Variants in MAF observed in about 807,000 individuals in gnomAD.
MAF encodes MAF bZIP transcription factor.
In MAF, 10 loss-of-function variants were observed where a neutral mutation model predicts 22.0. That is an observed-to-expected ratio of 0.45 (90% confidence interval 0.28 to 0.77). The LOEUF (loss-of-function observed/expected upper bound fraction) is 0.77. MAF is among the 30% of genes least tolerant of loss of function. MAF has a pLI of 0.12. For missense variants in MAF, 544 were observed against 548.4 expected, an observed-to-expected ratio of 0.99 and a Z score of 0.08; for synonymous variants, 337 against 255.8, an observed-to-expected ratio of 1.32 and a Z score of -3.03.
the MAF span, among the ~76,000 whole-genome samples, chr16:79,507,382 C>A: frequency 6.6e-6 from 1 of 151,838 alleles, no homozygotes; most frequent in Non-Finnish European, 1.5e-5. Flanking sequence ...TCCCAAAGTG[C>A]TGGGATTACA....
At chr16:79,496,202 A>G in the MAF span, among the ~76,000 whole-genome samples, 1 of 152,208 alleles carries the variant, frequency 6.6e-6, no homozygotes, top group Admixed American at 6.5e-5. Context: ...GTCATGTCAG[A>G]TGGAAATAAG....
At chr16:79,447,554 G>A in the MAF span, among the ~76,000 whole-genome samples, 2 of 152,152 alleles carry the variant, frequency 1.3e-5, no homozygotes, top group Admixed American at 1.3e-4. Flanking sequence ...GCTATAAGTA[G>A]TGACCCCTCT....
the MAF span, among the ~76,000 whole-genome samples, chr16:79,458,808 C>T: frequency 6.6e-6 from 1 of 152,290 alleles, no homozygotes; most frequent in Admixed American, 6.5e-5. Context: ...AGATGTCACC[C>T]TTTCCTTTCT....
the MAF span, among the ~76,000 whole-genome samples, chr16:79,416,247 C>A: frequency 2.6e-5 from 4 of 152,088 alleles, no homozygotes; most frequent in African/African-American, 9.7e-5. Context: ...CTGTTGTGGT[C>A]TGATGGAGTT....
At chr16:79,427,292 G>GTA in the MAF span, among the ~76,000 whole-genome samples, 1 of 152,182 alleles carries the variant, frequency 6.6e-6, no homozygotes, top group Non-Finnish European at 1.5e-5. Flanking sequence ...TCGCTTAGGG[G>GTA]TATCTCCTCT....
At chr16:79,227,126 C>A in the MAF span, among the ~76,000 whole-genome samples, 1 of 152,036 alleles carries the variant, frequency 6.6e-6, no homozygotes, top group Non-Finnish European at 1.5e-5. Flanking sequence ...TCCTTTCAGT[C>A]CAGGAGTTTG....
the MAF span, among the ~76,000 whole-genome samples, chr16:79,366,767 T>C: frequency 6.6e-6 from 1 of 152,250 alleles, no homozygotes; most frequent in Non-Finnish European, 1.5e-5. Flanking sequence ...AGACCTCTGC[T>C]GATCCATGAT....
exon 2 of MAF, chr16:79,585,924 G>C (rs754185170): frequency 5.8e-6 from 4 of 686,306 alleles, no homozygotes; most frequent in South Asian, 3.1e-5. Flanking sequence ...CACTGATGTA[G>C]AGGATTCCCT....
the MAF span, among the ~76,000 whole-genome samples, chr16:79,493,118 C>T: frequency 7.7e-6 from 1 of 130,650 alleles, no homozygotes; most frequent in East Asian, 2.3e-4. Context: ...CTACCATGCT[C>T]AGCTAATCTT....
intron 1 of MAF, chr16:79,598,001 T>C: frequency 9.7e-7 from 1 of 1,032,676 alleles, no homozygotes; most frequent in Non-Finnish European, 1.2e-6. Flanking sequence ...CAGGCTTGAT[T>C]GTGGAAGGTT....
chr16:79,567,474 T>C, the MAF span, among the ~76,000 whole-genome samples: 6 of 152,364 alleles, frequency 3.9e-5, no homozygotes, highest in East Asian at 5.8e-4. Flanking sequence ...GCAAGGGATT[T>C]TTTTGTTTTA....
chr16:79,391,447 C>T, the MAF span, among the ~76,000 whole-genome samples: 61 of 152,194 alleles, frequency 4.0e-4, no homozygotes, highest in African/African-American at 1.4e-3. Flanking sequence ...TGCCTGCTTG[C>T]CATTTCTATT....
chr16:79,251,586 G>A, the MAF span, among the ~76,000 whole-genome samples: 2 of 146,578 alleles, frequency 1.4e-5, no homozygotes, highest in South Asian at 4.4e-4. Flanking sequence ...CAAAGTGCTG[G>A]CATGAGCCAC....
the MAF span, among the ~76,000 whole-genome samples, chr16:79,208,110 C>G: frequency 6.6e-6 from 1 of 152,200 alleles, no homozygotes; most frequent in Non-Finnish European, 1.5e-5. Flanking sequence ...TACCAAGATA[C>G]TCTTAATCCC....
the MAF span, among the ~76,000 whole-genome samples, chr16:79,268,879 C>T: frequency 2.0e-5 from 3 of 152,174 alleles, no homozygotes; most frequent in African/African-American, 7.2e-5. Flanking sequence ...TGGTATAGCC[C>T]TGGGCAAGCC....
chr16:79,390,886 C>T, the MAF span, among the ~76,000 whole-genome samples: 1 of 152,196 alleles, frequency 6.6e-6, no homozygotes, highest in Non-Finnish European at 1.5e-5. Flanking sequence ...TTGGACCATG[C>T]TGTCTTTCAA....
the MAF span, among the ~76,000 whole-genome samples, chr16:79,537,720 G>T: frequency 6.6e-6 from 1 of 152,174 alleles, no homozygotes; most frequent in African/African-American, 2.4e-5. Context: ...AAATGTCAAA[G>T]CAGCAAAATT....
At chr16:79,246,374 A>G in the MAF span, among the ~76,000 whole-genome samples, 1 of 151,858 alleles carries the variant, frequency 6.6e-6, no homozygotes, top group Non-Finnish European at 1.5e-5. Flanking sequence ...ACATATCTCA[A>G]CCCACAAATG....
At chr16:79,550,904 C>G in the MAF span, among the ~76,000 whole-genome samples, 1 of 152,154 alleles carries the variant, frequency 6.6e-6, no homozygotes, top group Admixed American at 6.5e-5. Context: ...AGACTGAGCT[C>G]TCCCCCAGAA....
Sources: allele counts gnomAD v4.1 joint callset (sites outside exome capture counted in the v4.1 genomes callset), GRCh38; gene constraint gnomAD v4.1.1; transcripts MANE v1.5; gene names NCBI Gene and HGNC (gene_info 2026-07-23, HGNC 2026-07-21).